TNFRSF10D: variants seen among roughly 807,000 people sequenced by gnomAD.
TNFRSF10D encodes the protein TNF receptor superfamily member 10d, also known as tumor necrosis factor receptor superfamily member 10D.
A neutral mutation model predicts 42.1 loss-of-function variants in TNFRSF10D; 28 were observed. The ratio of observed to expected loss-of-function variants is 0.66; its 90% CI spans 0.49 to 0.91. The LOEUF (loss-of-function observed/expected upper bound fraction) is 0.91. Among genes scored for constraint, TNFRSF10D ranks in the 40% least tolerant of loss-of-function variants. The pLI is 0.00. For missense variants in TNFRSF10D, 503 were observed against 486.1 expected (o/e 1.03, Z -0.33); for synonymous variants, 186 against 189.4 (o/e 0.98, Z 0.15).
Position 23,138,005 on chromosome 8 carries a change from TGAGAAGA to T in TNFRSF10D, c.1028-9_1028-3del. ...CCGAGGCATCCAGCAAGGTGCTGAC[TGAGAAGA>T]GAGAAGAGATTTAGGGTCTCAATGC... On this transcript the variant is annotated splice_region_variant and splice_polypyrimidine_tract_variant and intron_variant, in intron 8 of 8. Coordinates refer to ENST00000312584, the MANE Select transcript of TNFRSF10D (RefSeq NM_003840.5). 2 of 1,614,056 alleles carry T rather than the reference TGAGAAGA, an allele frequency of 1.2e-6. No homozygotes were observed. The highest frequency in any genetic ancestry group is 1.7e-6 in the Non-Finnish European group (2 of 1,179,966).
intron 2 of TNFRSF10D, among the ~76,000 whole-genome samples, chr8:23,151,000 G>C (rs755862114): frequency 6.6e-6 from 1 of 152,100 alleles, no homozygotes; most frequent in Non-Finnish European, 1.5e-5. Flanking sequence ...TGTAATTAAA[G>C]AAATAATTAA....
intron 1 of TNFRSF10D, among the ~76,000 whole-genome samples, chr8:23,163,582 C>T (rs1800406654): frequency 6.6e-6 from 1 of 152,172 alleles, no homozygotes; most frequent in African/African-American, 2.4e-5. Context: ...GGAGCGCGCG[C>T]TCTGCTCCCT....
chr8:23,163,646 G>T, intron 1 of TNFRSF10D, 140 bp downstream of exon 1: 1 of 1,347,842 alleles, frequency 7.4e-7, no homozygotes, highest in South Asian at 1.4e-5. Flanking sequence ...CCCTGACTCC[G>T]ACGGCGGGTT....
rs1800202487 is a variant in TNFRSF10D, at chr8:23,150,716, G to A, written c.257-2165C>T. 2.6e-5 allele frequency among the ~76,000 whole-genome samples: 4 copies of A among 152,128 alleles called. No homozygotes were observed. In the South Asian group the frequency reaches 8.3e-4, roughly 32 times the overall value. On this transcript the variant is annotated intron_variant, in intron 2 of 8. Transcript: ENST00000312584. ...TAATATACACAGACAACATAATAAA[G>A]AAGAAAGCAGAAATTCTAAAATTAA...
chr8:23,160,450 C>T (rs1800351513), intron 1 of TNFRSF10D, among the ~76,000 whole-genome samples: 1 of 152,180 alleles, frequency 6.6e-6, no homozygotes, highest in African/African-American at 2.4e-5. Flanking sequence ...AGAACTCTAG[C>T]CCTTCAGAGG....
chr8:23,151,925 G>A (rs774135578), intron 2 of TNFRSF10D, among the ~76,000 whole-genome samples: 2 of 152,046 alleles, frequency 1.3e-5, no homozygotes, highest in Non-Finnish European at 2.9e-5. Context: ...GCCCTGGGGG[G>A]GATCCAGGAG....
chr8:23,144,484 G>A lies in TNFRSF10D; in HGVS notation c.920C>T (p.Thr307Ile). 3 of 1,614,176 alleles carry A rather than the reference G, an allele frequency of 1.9e-6. No individual in the cohort carries two copies. Among genetic ancestry groups the A allele is most frequent in the Non-Finnish European group, 1.7e-6 (2 of 1,180,016 alleles). The change falls in exon 7 of 9, where the codon ACT becomes ATT. Residue 307 changes from threonine to isoleucine, a missense_variant. By Grantham distance (89) the Thr-to-Ile change is moderately conservative. Coordinates refer to ENST00000312584, the MANE Select transcript of TNFRSF10D (RefSeq NM_003840.5). ...GQELAELTGV[T>I]VELPEEPQRL... is the part of the protein sequence containing the mutation. ...CTGTGGCTCCTCTGGCAACTCTACA[G>A]TCACACCTGTTAGCTCTGCCAGCTC...
chr8:23,151,434 A>C (rs1179730358), intron 2 of TNFRSF10D, among the ~76,000 whole-genome samples: 1 of 152,206 alleles, frequency 6.6e-6, no homozygotes, highest in Admixed American at 6.5e-5. Flanking sequence ...GAAAGAACAG[A>C]ACACTAACTG....
At chr8:23,148,226 T>A (rs1368407034) in intron 3 of TNFRSF10D, among the ~76,000 whole-genome samples, 1 of 149,612 alleles carries the variant, frequency 6.7e-6, no homozygotes, top group Non-Finnish European at 1.5e-5. Flanking sequence ...GCAACAAGAG[T>A]GAAACTGTCT....
intron 4 of TNFRSF10D, among the ~76,000 whole-genome samples, 181 bp downstream of exon 4, chr8:23,146,780 G>T (rs1339973689): frequency 1.3e-5 from 2 of 150,190 alleles, no homozygotes; most frequent in Non-Finnish European, 3.0e-5. Flanking sequence ...GCTGCAGGGG[G>T]TAGGGGTGGG....
chr8:23,159,610 T>C (rs928844051), intron 1 of TNFRSF10D, among the ~76,000 whole-genome samples: 6 of 152,162 alleles, frequency 3.9e-5, no homozygotes, highest in Non-Finnish European at 8.8e-5. Context: ...ACACCTGTAA[T>C]CCCAGCATTT....
At chr8:23,145,447 C>T (rs1455728622) in intron 5 of TNFRSF10D, among the ~76,000 whole-genome samples, 3 of 151,842 alleles carry the variant, frequency 2.0e-5, no homozygotes, top group East Asian at 1.9e-4. Context: ...GAGTTGGCTC[C>T]GGGAGATGAG....
At chr8:23,157,377 A>C (rs1208329954) in intron 1 of TNFRSF10D, among the ~76,000 whole-genome samples, 1 of 152,170 alleles carries the variant, frequency 6.6e-6, no homozygotes, top group Non-Finnish European at 1.5e-5. Flanking sequence ...TCAATAACCA[A>C]ATTTTAGAAT....
chr8:23,138,049 T>C, intron 8 of TNFRSF10D, 46 bp from the exon 9 acceptor site: 1 of 1,611,828 alleles, frequency 6.2e-7, no homozygotes, highest in South Asian at 1.1e-5. Flanking sequence ...CCAAGGACGA[T>C]CAGCACAGGA....
intron 2 of TNFRSF10D, among the ~76,000 whole-genome samples, chr8:23,154,396 G>C (rs1286832572): frequency 5.6e-3 from 856 of 152,056 alleles, no homozygotes; most frequent in African/African-American, 0.018. Context: ...ACTTACACAA[G>C]TCCCTGATAC....
chr8:23,148,019 C>A (rs13438873), intron 3 of TNFRSF10D, among the ~76,000 whole-genome samples: 11,778 of 145,804 alleles, frequency 0.081, 1,659 homozygotes, highest in African/African-American at 0.28. Flanking sequence ...GAGCCGAGAT[C>A]GCGCCACTGC....
intron 1 of TNFRSF10D, among the ~76,000 whole-genome samples, chr8:23,162,011 G>T (rs367988493): frequency 3.3e-5 from 5 of 152,050 alleles, no homozygotes; most frequent in African/African-American, 9.6e-5. Context: ...ATATCCCATC[G>T]GGATGGGATA....
chr8:23,156,630 T>G (rs1326156797), intron 1 of TNFRSF10D, among the ~76,000 whole-genome samples: 1 of 151,850 alleles, frequency 6.6e-6, no homozygotes, highest in Non-Finnish European at 1.5e-5. Context: ...AGTGGTGTAA[T>G]CTCTGCTCAC....
At chr8:23,141,148 C>T (rs1305515711) in intron 7 of TNFRSF10D, among the ~76,000 whole-genome samples, 1 of 152,114 alleles carries the variant, frequency 6.6e-6, no homozygotes, top group East Asian at 1.9e-4. Context: ...AAAAGCAATG[C>T]AATAAAAACA....
Sources: allele counts gnomAD v4.1 joint callset (sites outside exome capture counted in the v4.1 genomes callset), GRCh38; gene constraint gnomAD v4.1.1; transcripts MANE v1.5; gene names NCBI Gene and HGNC (gene_info 2026-07-23, HGNC 2026-07-21).